Variants in PM20D2 observed in about 807,000 individuals in gnomAD.
The protein encoded by PM20D2 is xaa-Arg dipeptidase.
In PM20D2, 33 loss-of-function variants were observed where a neutral mutation model predicts 42.9. The ratio of observed to expected loss-of-function variants is 0.77; its 90% CI spans 0.58 to 1.03. PM20D2 has a LOEUF of 1.03. PM20D2 is among the 50% of genes least tolerant of loss of function. The pLI is 0.00. For synonymous variants in PM20D2, 250 were observed against 228.2 expected (o/e 1.10, Z -0.86); for missense variants, 548 against 557.0 (o/e 0.98, Z 0.16).
the PM20D2 span, among the ~76,000 whole-genome samples, chr6:89,099,478 ATATG>A: frequency 7.0e-6 from 1 of 141,920 alleles, no homozygotes; most frequent in African/African-American, 2.9e-5. Flanking sequence ...GTGTATATAT[ATATG>A]TGTGTGTATA....
intron 1 of PM20D2, chr6:89,148,698 GC>G (rs1770696013): frequency 2.2e-6 from 1 of 447,206 alleles, no homozygotes; most frequent in Non-Finnish European, 3.0e-6. Flanking sequence ...CAGAGTTTAG[GC>G]CAGAAGATCA....
At chr6:89,106,989 G>C in the PM20D2 span, 1 of 735,270 alleles carries the variant, frequency 1.4e-6, no homozygotes, top group African/African-American at 1.7e-5. Context: ...GTTCAAACTG[G>C]GGGGTGCTTG....
At chr6:89,115,414 C>G in the PM20D2 span, among the ~76,000 whole-genome samples, 2 of 152,116 alleles carry the variant, frequency 1.3e-5, no homozygotes, top group Admixed American at 1.3e-4. Flanking sequence ...TCCTGAGTAG[C>G]TGGGATTACA....
In PM20D2 at chr6:89,164,938, A is replaced by AAGAAG. The variant is rs1554188019; in HGVS notation, c.*2676_*2677insGAAGA. The AAGAAG allele has an allele frequency of 2.1e-5, 3 of 142,770 alleles. No individual in the cohort carries two copies. The Admixed American group carries it at 2.1e-4, about 10-fold the overall frequency. 8.8% of individuals were successfully genotyped at this position (142,770 alleles called of 1,614,324 possible). On this transcript the variant is annotated 3_prime_UTR_variant, in exon 7 of 7. Transcript: ENST00000275072. ...CTGTGCCTGTAAAAAAAAAAAAAAA[A>AAGAAG]AAAAGAAAAGAAAAGACACTGTTGC...
the PM20D2 span, among the ~76,000 whole-genome samples, chr6:89,127,187 A>G: frequency 6.6e-6 from 1 of 152,294 alleles, no homozygotes; most frequent in Admixed American, 6.5e-5. Context: ...AGAGGAGATG[A>G]TAGAATTATA....
upstream of PM20D2, among the ~76,000 whole-genome samples, chr6:89,143,601 A>T (rs774712770): frequency 3.9e-5 from 6 of 152,244 alleles, no homozygotes; most frequent in Non-Finnish European, 7.3e-5. Context: ...ATCCAGCACC[A>T]GCTAAAGGAA....
chr6:89,146,306 GGA>G lies in PM20D2; in HGVS notation c.164_165del (p.Glu55AlafsTer76), dbSNP rs1334745630. Reference sequence around the variant, plus strand: ...GGAGCCAGCCCGAGCTGGCCTACGAGGAGCACCATGCCCACCGCGTGCTGACG... The same window carrying G: ...GGAGCCAGCCCGAGCTGGCCTACGAGGCACCATGCCCACCGCGTGCTGACG... ...IWSQPELAYE[E>X]HHAHRVLTHF... On this transcript the variant is annotated frameshift_variant, in exon 1 of 7. Transcript: ENST00000275072. LOFTEE classifies it high-confidence loss of function. 3.2e-6 allele frequency: 5 copies of G among 1,581,346 alleles called. No individual in the cohort carries two copies. The highest frequency in any genetic ancestry group is 4.3e-6 in the Non-Finnish European group (5 of 1,172,004).
At chr6:89,147,565 T>C (rs954923064) in intron 1 of PM20D2, among the ~76,000 whole-genome samples, 11 of 152,164 alleles carry the variant, frequency 7.2e-5, no homozygotes, top group African/African-American at 2.6e-4. Flanking sequence ...TGGAGAGATT[T>C]CGCTTCAACC....
chr6:89,115,410 G>A, the PM20D2 span, among the ~76,000 whole-genome samples: 2 of 152,084 alleles, frequency 1.3e-5, no homozygotes, highest in South Asian at 2.1e-4. Context: ...AGTCTCCTGA[G>A]TAGCTGGGAT....
At chr6:89,103,753 C>T in the PM20D2 span, among the ~76,000 whole-genome samples, 1 of 152,076 alleles carries the variant, frequency 6.6e-6, no homozygotes, top group Non-Finnish European at 1.5e-5. Flanking sequence ...AGCCACTGCA[C>T]CTGGTCCATA....
the PM20D2 span, among the ~76,000 whole-genome samples, chr6:89,134,568 G>T: frequency 6.6e-5 from 10 of 151,180 alleles, 2 homozygotes; most frequent in African/African-American, 2.5e-4. Context: ...ACCACTTGAA[G>T]AATGGATTCC....
At chr6:89,105,176 GTTC>G in the PM20D2 span, 3,360 of 1,612,432 alleles carry the variant, frequency 2.1e-3, 16 homozygotes, top group Middle Eastern at 8.7e-3. Flanking sequence ...TCTACTTCGA[GTTC>G]TTCTTTGGCT....
chr6:89,146,234 C>T lies in PM20D2; in HGVS notation c.90C>T (p.Cys30=), dbSNP rs1355090411. The change falls in exon 1 of 7, where the codon TGC becomes TGT. Residue 30 remains cysteine, a synonymous_variant. Coordinates refer to ENST00000275072, the MANE Select transcript of PM20D2 (RefSeq NM_001010853.3). ...TACTGAAGCTGCGCTCGGCGGAGTGCATCGACGAGGCGGCCGAGCGGCTGG... is the reference window on the plus strand; with the variant it reads ...TACTGAAGCTGCGCTCGGCGGAGTGTATCGACGAGGCGGCCGAGCGGCTGG... ...LELLKLRSAE[C]IDEAAERLGA... The T allele has an allele frequency of 1.9e-6, 3 of 1,580,896 alleles. No homozygotes were observed. Among genetic ancestry groups the T allele is most frequent in the South Asian group, 2.3e-5 (2 of 88,490 alleles).
chr6:89,156,078 G>T (rs961836962), intron 4 of PM20D2, among the ~76,000 whole-genome samples: 13 of 151,986 alleles, frequency 8.6e-5, no homozygotes, highest in African/African-American at 2.7e-4. Flanking sequence ...TAGAGACGAG[G>T]TTTCATCATG....
chr6:89,147,401 G>A (rs9451167), intron 1 of PM20D2, among the ~76,000 whole-genome samples: 53,218 of 151,874 alleles, frequency 0.35, 10,039 homozygotes, highest in African/African-American at 0.5. Context: ...ATTTCCCCCA[G>A]TGTCAGTAAC....
the PM20D2 span, among the ~76,000 whole-genome samples, chr6:89,125,543 G>T: frequency 6.6e-6 from 1 of 151,916 alleles, no homozygotes; most frequent in African/African-American, 2.4e-5. Context: ...AACTTTGGGA[G>T]GCCAAGGCAG....
At position 89,151,553 on chromosome 6, in the gene PM20D2, G is replaced by A. The variant is rs369798474; in HGVS notation, c.615-1490G>A. On this transcript the variant is annotated intron_variant, in intron 2 of 6. Transcript: ENST00000275072. ...ACAAATTTCTAATGAATAAGATAAA[G>A]CAATCCTGCTGACCACCTTTCCCAA... Among the ~76,000 whole-genome samples the A allele has an allele frequency of 5.6e-4, 86 of 152,224 alleles. 1 individual carries two copies. The South Asian group carries it at 0.017, about 30-fold the overall frequency.
At chr6:89,150,065 C>T (rs1241935283) in intron 2 of PM20D2, among the ~76,000 whole-genome samples, 4 of 152,162 alleles carry the variant, frequency 2.6e-5, no homozygotes, top group Admixed American at 2.6e-4. Flanking sequence ...GGTCCAGGCA[C>T]AAGGAGCCAG....
chr6:89,105,359 T>TA, the PM20D2 span: 2 of 1,561,122 alleles, frequency 1.3e-6, no homozygotes, highest in South Asian at 1.2e-5. Flanking sequence ...AATTTTAAAT[T>TA]AAAAAATCAG....
Sources: allele counts gnomAD v4.1 joint callset (sites outside exome capture counted in the v4.1 genomes callset), GRCh38; gene constraint gnomAD v4.1.1; transcripts MANE v1.5; gene names NCBI Gene and HGNC (gene_info 2026-07-23, HGNC 2026-07-21).